RBFOX1: variants seen among roughly 807,000 people sequenced by gnomAD.
RBFOX1 encodes RNA binding fox-1 homolog 1, also known as RNA binding protein fox-1 homolog 1.
RBFOX1 carries 8 observed loss-of-function variants against 57.7 expected under a neutral mutation model. The ratio of observed to expected loss-of-function variants is 0.14; its 90% CI spans 0.08 to 0.25. The LOEUF (loss-of-function observed/expected upper bound fraction) is 0.25, where lower values mean the gene tolerates loss of function less well. RBFOX1 is among the 10% of genes least tolerant of loss of function. The probability of loss-of-function intolerance (pLI) is 1.00; values close to 1 mark genes in which losing one functional copy is unlikely to be tolerated. For synonymous variants in RBFOX1, 326 were observed against 222.4 expected, an observed-to-expected ratio of 1.47 and a Z score of -4.15; for missense variants, 611 against 548.5, an observed-to-expected ratio of 1.11 and a Z score of -1.14.
At chr16:7,438,203 G>C (rs931913148) in intron 4 of RBFOX1, among the ~76,000 whole-genome samples, 7 of 152,080 alleles carry the variant, frequency 4.6e-5, no homozygotes, top group Admixed American at 6.6e-5. Context: ...TACTAACCAG[G>C]GTACAGTGGC....
At chr16:6,807,675 G>C (rs975217366) in intron 3 of RBFOX1, among the ~76,000 whole-genome samples, 1 of 152,016 alleles carries the variant, frequency 6.6e-6, no homozygotes, top group Non-Finnish European at 1.5e-5. Context: ...ATTTGGCTGG[G>C]CATGGTGGCA....
chr16:7,707,399 A>G (rs1286463681), intron 14 of RBFOX1, among the ~76,000 whole-genome samples: 1 of 152,164 alleles, frequency 6.6e-6, no homozygotes, highest in Admixed American at 6.5e-5. Flanking sequence ...AATGGGGGGA[A>G]AACAGGAAAG....
Position 7,046,794 on chromosome 16 carries a change from C to T in RBFOX1, c.-15-5263C>T, listed in dbSNP as rs144926943. On this transcript the variant is annotated intron_variant, in intron 3 of 15. Coordinates refer to ENST00000550418, the MANE Select transcript of RBFOX1 (RefSeq NM_018723.4). Reference sequence around the variant, plus strand: ...CTAATTTTTGTATTTTTAATAGAGACGGGGTTTTGCTGTGTTGACCAGACT... The same window carrying T: ...CTAATTTTTGTATTTTTAATAGAGATGGGGTTTTGCTGTGTTGACCAGACT... 7.6e-3 allele frequency among the ~76,000 whole-genome samples: 1,158 copies of T among 151,714 alleles called. 13 individuals are homozygous for T. Among genetic ancestry groups the T allele is most frequent in the African/African-American group, 0.026 (1,081 of 41,388 alleles).
At chr16:5,766,061 C>G (rs8062798) in intron 3 of RBFOX1, among the ~76,000 whole-genome samples, 22,408 of 152,024 alleles carry the variant, frequency 0.15, 2,009 homozygotes, top group African/African-American at 0.24. Context: ...ATGGAGCAGC[C>G]AATAGCTCAG....
chr16:5,343,912 A>G (rs1039512071), intron 1 of RBFOX1, among the ~76,000 whole-genome samples: 8 of 152,196 alleles, frequency 5.3e-5, no homozygotes, highest in Non-Finnish European at 1.2e-4. Context: ...GATTTCTGGT[A>G]TAAATGTGTG....
chr16:7,219,130 C>A (rs1387968731), intron 4 of RBFOX1, among the ~76,000 whole-genome samples: 1 of 152,178 alleles, frequency 6.6e-6, no homozygotes, highest in African/African-American at 2.4e-5. Flanking sequence ...GGCTTTGTGT[C>A]AGCCCTGCTC....
intron 4 of RBFOX1, among the ~76,000 whole-genome samples, chr16:7,097,559 C>G (rs915886772): frequency 6.6e-6 from 1 of 152,176 alleles, no homozygotes; most frequent in East Asian, 1.9e-4. Flanking sequence ...GGATTTTAAG[C>G]ACCTCTCCAT....
At chr16:6,877,763 T>G (rs1413865125) in intron 3 of RBFOX1, among the ~76,000 whole-genome samples, 2 of 151,998 alleles carry the variant, frequency 1.3e-5, no homozygotes, top group Admixed American at 6.6e-5. Context: ...ACTTTTAAAT[T>G]GTATAAATTG....
intron 3 of RBFOX1, among the ~76,000 whole-genome samples, chr16:6,680,681 T>G (rs1181732294): frequency 6.6e-6 from 1 of 152,202 alleles, no homozygotes; most frequent in Non-Finnish European, 1.5e-5. Flanking sequence ...AGTTTACCGC[T>G]TAGAGGTAAT....
intron 3 of RBFOX1, among the ~76,000 whole-genome samples, chr16:5,792,689 A>G (rs971318108): frequency 6.6e-6 from 1 of 152,106 alleles, no homozygotes; most frequent in African/African-American, 2.4e-5. Flanking sequence ...CTAAAAATAC[A>G]AAAACTAGCC....
chr16:7,641,614 C>T (rs936522705), intron 11 of RBFOX1, among the ~76,000 whole-genome samples: 1 of 152,204 alleles, frequency 6.6e-6, no homozygotes, highest in African/African-American at 2.4e-5. Context: ...CCTACCCTTA[C>T]TATTTGCTAC....
chr16:5,933,775 G>C (rs1364306396), intron 4 of RBFOX1, among the ~76,000 whole-genome samples: 2 of 146,320 alleles, frequency 1.4e-5, no homozygotes, highest in Non-Finnish European at 3.0e-5. Flanking sequence ...GTGGCCACAA[G>C]GTGTTTTTTT....
chr16:5,891,202 C>T (rs998046053), intron 4 of RBFOX1, among the ~76,000 whole-genome samples: 1 of 151,802 alleles, frequency 6.6e-6, no homozygotes, highest in African/African-American at 2.4e-5. Flanking sequence ...ACCCCCTCCT[C>T]TCTCTCGTGC....
intron 3 of RBFOX1, among the ~76,000 whole-genome samples, chr16:5,645,764 T>C (rs2049032107): frequency 6.6e-6 from 1 of 152,186 alleles, no homozygotes; most frequent in South Asian, 2.1e-4. Context: ...CTCCTGGCCT[T>C]AAGCAATCCT....
chr16:7,710,171 A>T (rs964846087), intron 15 of RBFOX1: 1 of 1,022,486 alleles, frequency 9.8e-7, no homozygotes, highest in Non-Finnish European at 1.2e-6. Flanking sequence ...TACAGCTTAC[A>T]GAGCCAAGTT....
At chr16:7,340,869 G>A (rs1209324458) in intron 4 of RBFOX1, among the ~76,000 whole-genome samples, 2 of 152,146 alleles carry the variant, frequency 1.3e-5, no homozygotes, top group Non-Finnish European at 2.9e-5. Context: ...AGGGTGTCTT[G>A]CTGCAGCAGC....
intron 4 of RBFOX1, among the ~76,000 whole-genome samples, chr16:7,410,235 C>T (rs2098409859): frequency 6.6e-6 from 1 of 152,214 alleles, no homozygotes; most frequent in African/African-American, 2.4e-5. Flanking sequence ...GCTGTAGGCA[C>T]TGCATATGTG....
At chr16:6,460,015 A>G (rs1412705142) in intron 2 of RBFOX1, among the ~76,000 whole-genome samples, 2 of 119,888 alleles carry the variant, frequency 1.7e-5, no homozygotes, top group East Asian at 5.6e-4. Context: ...AAAAAAAAAA[A>G]AAAAAAAAAA....
At position 5,901,548 on chromosome 16, in the gene RBFOX1, A is replaced by T. The variant is rs569642889; in HGVS notation, c.351+34213A>T. Among the ~76,000 whole-genome samples the T allele has an allele frequency of 2.6e-5, 4 of 152,260 alleles. No individual in the cohort carries two copies. In the East Asian group the frequency reaches 7.7e-4, roughly 29 times the overall value. The stretch of plus-strand genomic sequence containing the variant: ...CAATGCATGTGGCCGTTACACCTAA[A>T]CTGAAATTGGTTAAAATTAGAAATT... On this transcript the variant is annotated intron_variant, in intron 4 of 19. Coordinates refer to the RBFOX1 transcript ENST00000641259.
Sources: allele counts gnomAD v4.1 joint callset (sites outside exome capture counted in the v4.1 genomes callset), GRCh38; gene constraint gnomAD v4.1.1; transcripts MANE v1.5; gene names NCBI Gene and HGNC (gene_info 2026-07-23, HGNC 2026-07-21).